ADRA2C: variants seen among roughly 807,000 people sequenced by gnomAD.
ADRA2C encodes the protein alpha-2C adrenergic receptor.
A neutral mutation model predicts 7.9 loss-of-function variants in ADRA2C; 4 were observed. The ratio of observed to expected loss-of-function variants is 0.51; its 90% CI spans 0.25 to 1.16. The LOEUF (loss-of-function observed/expected upper bound fraction) is 1.16. ADRA2C is among the 50% of genes most tolerant of loss of function. The pLI, the probability that ADRA2C is intolerant of heterozygous loss-of-function variation, is 0.15. For synonymous variants in ADRA2C, 368 were observed against 328.9 expected (o/e 1.12, Z -1.29); for missense variants, 589 against 677.7 (o/e 0.87, Z 1.45).
In ADRA2C at chr4:3,767,111, A is replaced by C. The variant is rs765831114; in HGVS notation, c.505A>C (p.Lys169Gln). 6.2e-7 allele frequency: 1 copy of C among 1,609,440 alleles called. No individual in the cohort carries two copies. Among genetic ancestry groups the C allele is most frequent in the Non-Finnish European group, 8.5e-7 (1 of 1,179,890 alleles). ...YNLKRTPRRV[K>Q]ATIVAVWLIS... ...CCTGAAGCGCACACCACGCCGCGTC[A>C]AGGCCACCATCGTGGCCGTGTGGCT... Residue 169 changes from lysine to glutamine, a missense_variant, in exon 1 of 1, where the codon AAG becomes CAG. Physicochemically the swap from Lys to Gln is moderately conservative, Grantham distance 53. Coordinates refer to ENST00000330055, the MANE Select transcript of ADRA2C (RefSeq NM_000683.4).
At position 3,767,884 on chromosome 4, in the gene ADRA2C, C is replaced by T. The variant is rs1392530473; in HGVS notation, c.1278C>T (p.Gly426=). 1.2e-6 allele frequency: 2 copies of T among 1,612,884 alleles called. No homozygotes were observed. The highest frequency in any genetic ancestry group is 1.7e-6 in the Non-Finnish European group (2 of 1,179,932). ...GPLFKFFFWI[G]YCNSSLNPVI... ...TCTTCAAGTTCTTCTTCTGGATCGG[C>T]TACTGCAACAGCTCGCTCAACCCGG... is the stretch of plus-strand genomic sequence containing the variant. The change falls in exon 1 of 1, where the codon GGC becomes GGT. Residue 426 remains glycine, a synonymous_variant. Coordinates refer to ENST00000330055, the MANE Select transcript of ADRA2C (RefSeq NM_000683.4).
At position 3,767,949 on chromosome 4, in the gene ADRA2C, T is replaced by G; in HGVS notation, c.1343T>G (p.Phe448Cys). 1 of 1,611,126 alleles carries G rather than the reference T, an allele frequency of 6.2e-7. No homozygotes were observed. Among genetic ancestry groups the G allele is most frequent in the Non-Finnish European group, 8.5e-7 (1 of 1,179,920 alleles). The change falls in exon 1 of 1, where the codon TTT (phenylalanine) becomes TGT (cysteine). Residue 448 changes from phenylalanine (F) to cysteine (C), a missense_variant. By Grantham distance (205) the Phe-to-Cys change is radical (BLOSUM62 -2). Coordinates refer to ENST00000330055, the MANE Select transcript of ADRA2C (RefSeq NM_000683.4). ...TTCAACCAGGATTTCCGGCGATCCTTTAAGCACATCCTCTTCCGACGGAGG... is the reference window on the plus strand; with the variant it reads ...TTCAACCAGGATTTCCGGCGATCCTGTAAGCACATCCTCTTCCGACGGAGG... ...TVFNQDFRRSFKHILFRRRRR... is the reference protein window; with the variant it reads ...TVFNQDFRRSCKHILFRRRRR...
In ADRA2C at chr4:3,768,062, G is replaced by GGGGGAGCTTTCCCAAAGACCC; in HGVS notation, c.*81_*82insAAGACCCGGGGAGCTTTCCCA. Reference sequence around the variant, plus strand: ...GCTGGGCAGAAGGGGCGGCCCGGACGGGGGAGCTTTCCCAGAGACCCGGGG... The same window carrying GGGGGAGCTTTCCCAAAGACCC: ...GCTGGGCAGAAGGGGCGGCCCGGACGGGGGAGCTTTCCCAAAGACCCGGGGAGCTTTCCCAGAGACCCGGGG... On this transcript the variant is annotated 3_prime_UTR_variant, in exon 1 of 1. Coordinates refer to ENST00000330055, the MANE Select transcript of ADRA2C (RefSeq NM_000683.4). 1.7e-6 allele frequency: 2 copies of GGGGGAGCTTTCCCAAAGACCC among 1,157,760 alleles called. No individual in the cohort carries two copies. Among genetic ancestry groups the GGGGGAGCTTTCCCAAAGACCC allele is most frequent in the Non-Finnish European group, 2.3e-6 (2 of 879,324 alleles). The allele number at this position is 1,157,760 out of a possible 1,614,324, so 71.7% of individuals were successfully genotyped here.
At position 3,768,252 on chromosome 4, in the gene ADRA2C, A is replaced by G. The variant is rs1735505241; in HGVS notation, c.*257A>G. ...CTCCCTGCCTGGATCCAGCTCTGGG[A>G]GCCCTGCCGAGGTGTGGCTGTGAGG... On this transcript the variant is annotated 3_prime_UTR_variant, in exon 1 of 1. Transcript: ENST00000330055. 4 of 717,608 alleles carry G rather than the reference A, an allele frequency of 5.6e-6. No individual in the cohort carries two copies. The East Asian group carries it at 1.1e-4, about 19-fold the overall frequency. The allele number at this position is 717,608 out of a possible 1,614,324, so 44.5% of individuals were successfully genotyped here. A position where few individuals can be genotyped will look rare whatever the true frequency, so the allele number is the denominator to read the frequency against.
Position 3,767,020 on chromosome 4 carries a change from G to C in ADRA2C, c.414G>C (p.Ser138=). 6.2e-7 allele frequency: 1 copy of C among 1,611,406 alleles called. No individual in the cohort carries two copies. The highest frequency in any genetic ancestry group is 2.2e-5 in the East Asian group (1 of 44,846). Residue 138 remains serine (S), a synonymous_variant, in exon 1 of 1, where the codon TCG becomes TCC. Transcript: ENST00000330055. ...TCGATGTGCTGTTTTGCACCTCGTC[G>C]ATCGTGCATCTGTGTGCCATCAGCC... ...LALDVLFCTS[S]IVHLCAISLD... is the part of the protein sequence containing the mutation.
Position 3,766,846 on chromosome 4 carries a change from G to A in ADRA2C, c.240G>A (p.Arg80=), listed in dbSNP as rs773364418. The A allele has an allele frequency of 1.3e-6, 2 of 1,592,724 alleles. No individual in the cohort carries two copies. The highest frequency in any genetic ancestry group is 1.7e-6 in the Non-Finnish European group (2 of 1,170,632). Residue 80 remains arginine (R), a synonymous_variant, in exon 1 of 1, where the codon CGG becomes CGA. Transcript: ENST00000330055. The surrounding 1 kb of genome is among the most constrained non-coding windows in gnomAD (Gnocchi z 4.5). ...TGGTGATCGCCGTGCTGACCAGCCG[G>A]GCGCTGCGCGCGCCACAGAACCTCT... The part of the protein sequence containing the change: ...VLVVIAVLTS[R]ALRAPQNLFL...
chr4:3,767,300 C>G lies in ADRA2C; in HGVS notation c.694C>G (p.Arg232Gly). The part of the protein sequence containing the change: ...PCLIMGLVYA[R>G]IYRVAKLRTR... ...CCTCATCATGGGCCTGGTCTACGCG[C>G]GCATCTACCGAGTGGCCAAGCTGCG... Residue 232 changes from arginine (R) to glycine (G), a missense_variant, in exon 1 of 1, where the codon CGC (arginine) becomes GGC (glycine). Transcript: ENST00000330055. 1.3e-6 allele frequency: 2 copies of G among 1,595,244 alleles called. No individual in the cohort carries two copies. Among genetic ancestry groups the G allele is most frequent in the Non-Finnish European group, 1.7e-6 (2 of 1,172,218 alleles).
rs1469092448 is a variant in ADRA2C at position 3,766,745 on chromosome 4, T to C, written c.139T>C (p.Ser47Pro). The change falls in exon 1 of 1, where the codon TCG (serine) becomes CCG (proline). Residue 47 changes from serine to proline, a missense_variant. Ser to Pro is a moderately conservative substitution (Grantham distance 74). Transcript: ENST00000330055. The surrounding 1 kb of genome is among the most constrained non-coding windows in gnomAD (Gnocchi z 4.5). ...ASWGPPRGQY[S>P]AGAVAGLAAV... The stretch of plus-strand genomic sequence containing the variant: ...CTGGGGGCCGCCGCGCGGCCAGTAC[T>C]CGGCGGGCGCGGTGGCAGGGCTGGC... 5.3e-6 allele frequency: 8 copies of C among 1,515,438 alleles called. No homozygotes were observed. Among genetic ancestry groups the C allele is most frequent in the Non-Finnish European group, 7.1e-6 (8 of 1,129,548 alleles). 93.9% of individuals were successfully genotyped at this position (1,515,438 alleles called of 1,614,324 possible).
rs1190903898 is a variant in ADRA2C at position 3,767,433 on chromosome 4, G to A, written c.827G>A (p.Cys276Tyr). 2 of 1,508,972 alleles carry A rather than the reference G, an allele frequency of 1.3e-6. No individual in the cohort carries two copies. Among genetic ancestry groups the A allele is most frequent in the South Asian group, 2.5e-5 (2 of 79,836 alleles). 93.5% of individuals were successfully genotyped at this position (1,508,972 alleles called of 1,614,324 possible). A position where few individuals can be genotyped will look rare whatever the true frequency, so the allele number is the denominator to read the frequency against. ...AAAGAGENGHCAPPPADVEPD... is the reference protein window; with the variant it reads ...AAAGAGENGHYAPPPADVEPD... Reference sequence around the variant, plus strand: ...GCAGGCGCAGGCGAGAACGGGCACTGCGCGCCCCCGCCCGCCGACGTGGAG... The same window carrying A: ...GCAGGCGCAGGCGAGAACGGGCACTACGCGCCCCCGCCCGCCGACGTGGAG... Residue 276 changes from cysteine to tyrosine, a missense_variant, in exon 1 of 1, where the codon TGC becomes TAC. Physicochemically the swap from Cys to Tyr is radical, Grantham distance 194. Coordinates refer to ENST00000330055, the MANE Select transcript of ADRA2C (RefSeq NM_000683.4).
Position 3,768,084 on chromosome 4 carries a change from G to GGGGAGCTCTCCCAGAGACCCC in ADRA2C, c.*93_*94insGCTCTCCCAGAGACCCCGGGA. On this transcript the variant is annotated 3_prime_UTR_variant, in exon 1 of 1. Transcript: ENST00000330055. ...GACGGGGGAGCTTTCCCAGAGACCC[G>GGGGAGCTCTCCCAGAGACCCC]GGGATGGATTGGCCTCCAGGGCGCA... 8.6e-7 allele frequency: 1 copy of GGGGAGCTCTCCCAGAGACCCC among 1,167,052 alleles called. No homozygotes were observed. The highest frequency in any genetic ancestry group is 1.2e-6 in the Non-Finnish European group (1 of 814,414). The allele number at this position is 1,167,052 out of a possible 1,614,324, so 72.3% of individuals were successfully genotyped here.
Position 3,767,641 on chromosome 4 carries a change from G to A in ADRA2C, c.1035G>A (p.Leu345=). 7.2e-7 allele frequency: 1 copy of A among 1,396,634 alleles called. No homozygotes were observed. Among genetic ancestry groups the A allele is most frequent in the Admixed American group, 3.6e-5 (1 of 27,462 alleles). 86.5% of individuals were successfully genotyped at this position (1,396,634 alleles called of 1,614,324 possible). A position where few individuals can be genotyped will look rare whatever the true frequency, so the allele number is the denominator to read the frequency against. Residue 345 remains leucine (L), a synonymous_variant, in exon 1 of 1, where the codon CTG becomes CTA. Coordinates refer to ENST00000330055, the MANE Select transcript of ADRA2C (RefSeq NM_000683.4). The part of the protein sequence containing the change: ...ASRSPGPGGR[L]SRASSRSVEF... Reference sequence around the variant, plus strand: ...GGTCCCCGGGGCCCGGTGGCCGCCTGTCGCGCGCCAGCTCGCGCTCCGTCG... The same window carrying A: ...GGTCCCCGGGGCCCGGTGGCCGCCTATCGCGCGCCAGCTCGCGCTCCGTCG...
chr4:3,766,396 C>G lies in ADRA2C; in HGVS notation c.-211C>G, dbSNP rs1479069056. 6.0e-6 allele frequency: 1 copy of G among 167,328 alleles called. No individual in the cohort carries two copies. The highest frequency in any genetic ancestry group is 2.4e-5 in the African/African-American group (1 of 41,252). 10.4% of individuals were successfully genotyped at this position (167,328 alleles called of 1,614,324 possible). On this transcript the variant is annotated 5_prime_UTR_variant, in exon 1 of 1. Transcript: ENST00000330055. This position sits in a 1 kb window ranked among gnomAD's most constrained non-coding sequence, Gnocchi z 4.5. ...GCCTCCTGCTCTGCACTTACACGCTCGGCAGCTGCGGGGAGCCCGGCAGCC... is the reference window on the plus strand; with the variant it reads ...GCCTCCTGCTCTGCACTTACACGCTGGGCAGCTGCGGGGAGCCCGGCAGCC...
Position 3,767,493 on chromosome 4 carries a change from GGCGCCGGGGCGCGTT to G in ADRA2C, c.891_905del (p.Ala300_Gly304del). On this transcript the variant is annotated inframe_deletion, in exon 1 of 1. Transcript: ENST00000330055. ...AGCAGCGCAGCGGCCGAGAGGCGGC[GGCGCCGGGGCGCGTT>G]GCGGCGGGGCGGGCGGCGGCGAGCG... 1 of 1,161,956 alleles carries G rather than the reference GGCGCCGGGGCGCGTT, an allele frequency of 8.6e-7. No homozygotes were observed. Among genetic ancestry groups the G allele is most frequent in the Non-Finnish European group, 1.1e-6 (1 of 943,986 alleles). 72.0% of individuals were successfully genotyped at this position (1,161,956 alleles called of 1,614,324 possible).
chr4:3,766,460 G>T lies in ADRA2C; in HGVS notation c.-147G>T. On this transcript the variant is annotated 5_prime_UTR_variant, in exon 1 of 1. Transcript: ENST00000330055. The surrounding 1 kb of genome is among the most constrained non-coding windows in gnomAD (Gnocchi z 4.5). ...CGCCGCCCGCGGAGCCACCACGGCC[G>T]AGGGCCGGCTGCTGGGCGCCGCGGT... 2.2e-6 allele frequency: 1 copy of T among 446,624 alleles called. No individual in the cohort carries two copies. Among genetic ancestry groups the T allele is most frequent in the Non-Finnish European group, 2.9e-6 (1 of 340,364 alleles). 27.7% of individuals were successfully genotyped at this position (446,624 alleles called of 1,614,324 possible).
In ADRA2C at chr4:3,767,468, AG is replaced by A; in HGVS notation, c.863del (p.Ser288ThrfsTer46). The part of the protein sequence containing the change: ...PPPADVEPDE[S>X]SAAAERRRRR... ...GCCCGCCGACGTGGAGCCGGACGAG[AG>A]CAGCGCAGCGGCCGAGAGGCGGCGG... On this transcript the variant is annotated frameshift_variant, in exon 1 of 1. Transcript: ENST00000330055. LOFTEE classifies it low-confidence loss of function (END_TRUNC). 7.1e-7 allele frequency: 1 copy of A among 1,407,392 alleles called. No homozygotes were observed. The highest frequency in any genetic ancestry group is 9.1e-7 in the Non-Finnish European group (1 of 1,093,198). The allele number at this position is 1,407,392 out of a possible 1,614,324, so 87.2% of individuals were successfully genotyped here.
rs1363083058 is a variant in ADRA2C, at chr4:3,766,916, G to C, written c.310G>C (p.Val104Leu). Residue 104 changes from valine to leucine, a missense_variant, in exon 1 of 1, where the codon GTC (valine) becomes CTC (leucine). By Grantham distance (32) the Val-to-Leu change is conservative (BLOSUM62 1). Transcript: ENST00000330055. The surrounding 1 kb of genome is among the most constrained non-coding windows in gnomAD (Gnocchi z 4.5). ...ASADILVATL[V>L]MPFSLANELM... ...GGCCGACATCCTGGTGGCCACGCTG[G>C]TCATGCCCTTCTCGTTGGCCAACGA... 1.9e-6 allele frequency: 3 copies of C among 1,610,800 alleles called. No homozygotes were observed. The highest frequency in any genetic ancestry group is 2.5e-6 in the Non-Finnish European group (3 of 1,179,758).
At position 3,768,307 on chromosome 4, in the gene ADRA2C, A is replaced by G; in HGVS notation, c.*312A>G. ...GGTTTTAGAGAGCAGTGGCAGAGGT[A>G]GCCCCCTAAATGGGCAAGCAAGGAG... On this transcript the variant is annotated 3_prime_UTR_variant, in exon 1 of 1. Coordinates refer to ENST00000330055, the MANE Select transcript of ADRA2C (RefSeq NM_000683.4). 4.2e-6 allele frequency: 3 copies of G among 717,066 alleles called. No homozygotes were observed. Among genetic ancestry groups the G allele is most frequent in the Admixed American group, 2.0e-5 (1 of 50,006 alleles). 44.4% of individuals were successfully genotyped at this position (717,066 alleles called of 1,614,324 possible). A position where few individuals can be genotyped will look rare whatever the true frequency, so the allele number is the denominator to read the frequency against.
Position 3,767,099 on chromosome 4 carries a change from C to T in ADRA2C, c.493C>T (p.Pro165Ser). The change falls in exon 1 of 1, where the codon CCA (proline) becomes TCA (serine). Residue 165 changes from proline (P) to serine (S), a missense_variant. Pro to Ser is a moderately conservative substitution (Grantham distance 74, BLOSUM62 -1). Transcript: ENST00000330055. ...CGTCGAGTACAACCTGAAGCGCACA[C>T]CACGCCGCGTCAAGGCCACCATCGT... is the stretch of plus-strand genomic sequence containing the variant. ...QAVEYNLKRTPRRVKATIVAV... is the reference protein window; with the variant it reads ...QAVEYNLKRTSRRVKATIVAV... The T allele has an allele frequency of 6.2e-7, 1 of 1,609,672 alleles. No homozygotes were observed. The highest frequency in any genetic ancestry group is 8.5e-7 in the Non-Finnish European group (1 of 1,179,888).
chr4:3,767,067 C>T lies in ADRA2C; in HGVS notation c.461C>T (p.Thr154Met). 1.2e-6 allele frequency: 2 copies of T among 1,610,772 alleles called. No individual in the cohort carries two copies. Among genetic ancestry groups the T allele is most frequent in the Non-Finnish European group, 1.7e-6 (2 of 1,179,924 alleles). The change falls in exon 1 of 1, where the codon ACG (threonine) becomes ATG (methionine). Residue 154 changes from threonine to methionine, a missense_variant. Thr to Met is a moderately conservative substitution (Grantham distance 81). Transcript: ENST00000330055. ...AISLDRYWSV[T>M]QAVEYNLKRT... is the part of the protein sequence containing the mutation. ...AGCCTGGACCGCTACTGGTCGGTGA[C>T]GCAGGCCGTCGAGTACAACCTGAAG...
Sources: allele counts gnomAD v4.1 joint callset, GRCh38; gene constraint gnomAD v4.1.1; non-coding constraint Gnocchi (gnomAD v3.1); transcripts MANE v1.5; gene names NCBI Gene and HGNC (gene_info 2026-07-23, HGNC 2026-07-21).